REXO5: variants seen among roughly 807,000 people sequenced by gnomAD.
REXO5 encodes exonuclease NEF-sp.
In REXO5, 48 loss-of-function variants were observed where a neutral mutation model predicts 88.5. The observed-to-expected ratio is 0.54, with a 90% CI of 0.43 to 0.69. REXO5 has a LOEUF of 0.69. Ranked by LOEUF, REXO5 falls within the 30% of genes least tolerant of loss-of-function variation. The pLI is 0.00. For missense variants in REXO5, 749 were observed against 912.2 expected (o/e 0.82, Z 2.30); for synonymous variants, 311 against 336.5 (o/e 0.92, Z 0.83).
Position 20,840,387 on chromosome 16 carries a change from T to C in REXO5, c.1545T>C (p.Asn515=). 6.3e-7 allele frequency: 1 copy of C among 1,588,272 alleles called. No individual in the cohort carries two copies. Among genetic ancestry groups the C allele is most frequent in the Non-Finnish European group, 8.6e-7 (1 of 1,160,830 alleles). ...STVYAGPFSK[N]CNLRALKRLF... is the part of the protein sequence containing the mutation. ...TCTATGCTGGGCCATTTAGCAAAAA[T>C]TGCAATCTCAGGGCTCTGAAGAGGC... Residue 515 remains asparagine, a synonymous_variant, in exon 15 of 20, where the codon AAT becomes AAC. Coordinates refer to ENST00000261377, the MANE Select transcript of REXO5 (RefSeq NM_030941.3).
chr16:20,813,344 C>CTTTT (rs56875427), intron 3 of REXO5, 42 bp downstream of exon 3: 31 of 643,936 alleles, frequency 4.8e-5, no homozygotes, highest in African/African-American at 3.1e-4. Flanking sequence ...CCAGCGGTTT[C>CTTTT]TTTTTTTTTT....
At chr16:20,829,759 C>T (rs2081313181) in intron 11 of REXO5, among the ~76,000 whole-genome samples, 1 of 151,992 alleles carries the variant, frequency 6.6e-6, no homozygotes, top group South Asian at 2.1e-4. Flanking sequence ...TCGAGGTTAC[C>T]AAAGGTTAGA....
intron 15 of REXO5, among the ~76,000 whole-genome samples, chr16:20,842,301 T>C (rs970083501): frequency 2.0e-5 from 3 of 152,174 alleles, no homozygotes; most frequent in African/African-American, 7.2e-5. Flanking sequence ...ACAATATTTG[T>C]CCTTTTGTGT....
At chr16:20,840,221 A>G (rs2081505264) in intron 14 of REXO5, 110 bp from the exon 15 acceptor site, 1 of 929,436 alleles carries the variant, frequency 1.1e-6, no homozygotes, top group South Asian at 2.7e-5. Flanking sequence ...GACATTTGGC[A>G]AGTATTTATA....
At chr16:20,817,439 A>G (rs575876601) in intron 5 of REXO5, among the ~76,000 whole-genome samples, 107 of 152,330 alleles carry the variant, frequency 7.0e-4, no homozygotes, top group African/African-American at 2.5e-3. Context: ...TGAAGAGTAC[A>G]GCTTGTTGGA....
At chr16:20,812,196 G>A (rs1040530620) in intron 2 of REXO5, among the ~76,000 whole-genome samples, 1 of 152,060 alleles carries the variant, frequency 6.6e-6, no homozygotes, top group Admixed American at 6.6e-5. Context: ...TAACAAACAC[G>A]AATTACTTTA....
chr16:20,837,290 A>G (rs2081447110), intron 13 of REXO5, among the ~76,000 whole-genome samples: 1 of 152,158 alleles, frequency 6.6e-6, no homozygotes, highest in African/African-American at 2.4e-5. Context: ...TTGTTTTACT[A>G]AGCTATGTCT....
intron 2 of REXO5, among the ~76,000 whole-genome samples, chr16:20,811,370 A>C (rs1011514165): frequency 6.6e-6 from 1 of 152,236 alleles, no homozygotes; most frequent in Non-Finnish European, 1.5e-5. Flanking sequence ...GTGTCTGTAC[A>C]AGGATGTTCA....
At chr16:20,825,675 T>A in intron 7 of REXO5, 158 bp from the exon 8 acceptor site, 1 of 588,196 alleles carries the variant, frequency 1.7e-6, no homozygotes, top group Non-Finnish European at 3.0e-6. Context: ...CTGCCCAGCT[T>A]TAATTTCACT....
At chr16:20,831,237 G>C (rs1374712130) in intron 11 of REXO5, among the ~76,000 whole-genome samples, 3 of 152,006 alleles carry the variant, frequency 2.0e-5, no homozygotes, top group African/African-American at 4.8e-5. Context: ...TAGCTTAATA[G>C]AAAACAAGTG....
chr16:20,818,497 C>T (rs1377109038), intron 5 of REXO5, among the ~76,000 whole-genome samples: 1 of 152,196 alleles, frequency 6.6e-6, no homozygotes, highest in Non-Finnish European at 1.5e-5. Context: ...GAAACAGAGT[C>T]TCGCTCTGTC....
intron 5 of REXO5, 133 bp from the exon 6 acceptor site, chr16:20,821,629 C>A: frequency 1.4e-6 from 1 of 722,448 alleles, no homozygotes; most frequent in Non-Finnish European, 2.1e-6. Flanking sequence ...GATTGCAAGC[C>A]CCTAAATGGT....
intron 11 of REXO5, among the ~76,000 whole-genome samples, chr16:20,829,116 A>T (rs1315467031): frequency 6.6e-6 from 1 of 152,118 alleles, no homozygotes. Context: ...TATATGTTCT[A>T]CTATGTCTAG....
chr16:20,845,182 T>C lies in REXO5; in HGVS notation c.2065T>C (p.Ser689Pro). 1 of 1,614,008 alleles carries C rather than the reference T, an allele frequency of 6.2e-7. No individual in the cohort carries two copies. The highest frequency in any genetic ancestry group is 1.7e-4 in the Middle Eastern group (1 of 6,038). The change falls in exon 18 of 20, where the codon TCA becomes CCA. Residue 689 changes from serine (S) to proline (P), a missense_variant. Ser to Pro is a moderately conservative substitution (Grantham distance 74). Coordinates refer to ENST00000261377, the MANE Select transcript of REXO5 (RefSeq NM_030941.3). ...CTGGCTCAGAGGCTTACCACCTGAA[T>C]CAACAAGGCTCCCAGGGCTTCGTGT... ...HAWLRGLPPE[S>P]TRLPGLRVVP...
At chr16:20,844,979 C>T in intron 17 of REXO5, 75 bp from the exon 18 acceptor site, 1 of 1,570,040 alleles carries the variant, frequency 6.4e-7, no homozygotes, top group Non-Finnish European at 8.7e-7. Flanking sequence ...TCTCCTTTGA[C>T]CCTGGCCAGG....
chr16:20,809,994 C>G (rs931548803), intron 2 of REXO5, among the ~76,000 whole-genome samples: 1 of 152,160 alleles, frequency 6.6e-6, no homozygotes, highest in Non-Finnish European at 1.5e-5. Context: ...CTTTAAATAT[C>G]CAAGATTTTG....
intron 5 of REXO5, among the ~76,000 whole-genome samples, chr16:20,821,543 C>T (rs1596580439): frequency 6.6e-6 from 1 of 152,180 alleles, no homozygotes; most frequent in South Asian, 2.1e-4. Context: ...ATCTGCCTGC[C>T]TCAGCCTCCC....
At chr16:20,823,268 A>T (rs1051039609) in intron 6 of REXO5, among the ~76,000 whole-genome samples, 2 of 152,116 alleles carry the variant, frequency 1.3e-5, no homozygotes, top group African/African-American at 4.8e-5. Context: ...TATTTTCTGG[A>T]TGCATAAATT....
Position 20,832,160 on chromosome 16 carries a change from C to A in REXO5, c.1163C>A (p.Ala388Glu), listed in dbSNP as rs758811616. ...YFLKHGPKKI[A>E]ELNLEALANH... is the part of the protein sequence containing the mutation. ...TACCACTTTGTTTTCTTCAAGATTG[C>A]AGAACTAAATCTAGAAGCACTAGCT... Residue 388 changes from alanine (A) to glutamate (E), a missense_variant, in exon 12 of 20, where the codon GCA becomes GAA. Physicochemically the swap from Ala to Glu is moderately radical, Grantham distance 107. Coordinates refer to ENST00000261377, the MANE Select transcript of REXO5 (RefSeq NM_030941.3). The A allele has an allele frequency of 1.3e-6, 2 of 1,596,540 alleles. No individual in the cohort carries two copies. The highest frequency in any genetic ancestry group is 1.1e-5 in the South Asian group (1 of 89,230).
Sources: allele counts gnomAD v4.1 joint callset (sites outside exome capture counted in the v4.1 genomes callset), GRCh38; gene constraint gnomAD v4.1.1; transcripts MANE v1.5; gene names NCBI Gene and HGNC (gene_info 2026-07-23, HGNC 2026-07-21).